Variants in OXR1 observed in about 807,000 individuals in gnomAD.
OXR1 encodes the protein oxidation resistance protein 1.
OXR1 carries 41 observed loss-of-function variants against 104.6 expected under a neutral mutation model. The observed-to-expected ratio is 0.39, with a 90% confidence interval of 0.31 to 0.51. OXR1 has a LOEUF of 0.51. Ranked by LOEUF, OXR1 falls within the 20% of genes least tolerant of loss-of-function variation. The pLI is 0.77. For missense variants in OXR1, 955 were observed against 1,031.9 expected, an observed-to-expected ratio of 0.93 and a Z score of 1.02; for synonymous variants, 348 against 348.4, an observed-to-expected ratio of 1.00 and a Z score of 0.01.
intron 2 of OXR1, among the ~76,000 whole-genome samples, chr8:106,484,177 C>T (rs1822306788): frequency 2.0e-5 from 3 of 151,578 alleles, no homozygotes; most frequent in South Asian, 4.2e-4. Context: ...AAAAGACATA[C>T]CTGGTAGAGG....
rs1835938327 is a variant in OXR1, at chr8:106,752,343, A to G, written c.*1402A>G. The G allele has an allele frequency of 1.3e-5, 2 of 152,558 alleles. No homozygotes were observed. The highest frequency in any genetic ancestry group is 4.8e-5 in the African/African-American group (2 of 41,472). The allele number at this position is 152,558 out of a possible 1,614,324, so 9.5% of individuals were successfully genotyped here. A position where few individuals can be genotyped will look rare whatever the true frequency, so the allele number is the denominator to read the frequency against. ...GCTTAAGTAGATTTAGTTGTATAGCACTTACATATTTAGTTCTTTTGAAAG... is the reference window on the plus strand; with the variant it reads ...GCTTAAGTAGATTTAGTTGTATAGCGCTTACATATTTAGTTCTTTTGAAAG... On this transcript the variant is annotated 3_prime_UTR_variant, in exon 17 of 17. Coordinates refer to ENST00000517566, the MANE Select transcript of OXR1 (RefSeq NM_001198533.2).
chr8:106,296,245 T>C (rs1227871341), intron 1 of OXR1, among the ~76,000 whole-genome samples: 1 of 152,192 alleles, frequency 6.6e-6, no homozygotes, highest in Non-Finnish European at 1.5e-5. Flanking sequence ...CTATCAACTT[T>C]CGCTTAGCTA....
At chr8:106,422,943 T>C (rs1402728646) in intron 2 of OXR1, among the ~76,000 whole-genome samples, 1 of 152,176 alleles carries the variant, frequency 6.6e-6, no homozygotes, top group East Asian at 1.9e-4. Context: ...CAAAATGGTC[T>C]TTGGGATTGG....
intron 1 of OXR1, among the ~76,000 whole-genome samples, chr8:106,298,789 C>G (rs1005204618): frequency 2.0e-5 from 3 of 151,806 alleles, no homozygotes; most frequent in Non-Finnish European, 2.9e-5. Context: ...AAAACCACCC[C>G]AGAACAAAAG....
At chr8:106,631,300 G>A (rs1003832143) in intron 3 of OXR1, among the ~76,000 whole-genome samples, 21 of 152,012 alleles carry the variant, frequency 1.4e-4, no homozygotes, top group African/African-American at 4.8e-4. Context: ...AGAGATAAAC[G>A]TAAGTATTAC....
chr8:106,586,456 G>T (rs1466395932), intron 3 of OXR1, among the ~76,000 whole-genome samples: 1 of 152,168 alleles, frequency 6.6e-6, no homozygotes, highest in African/African-American at 2.4e-5. Flanking sequence ...GAGAATTCAG[G>T]AGTTTACTTC....
chr8:106,590,874 C>T (rs778770217), intron 3 of OXR1, among the ~76,000 whole-genome samples: 5 of 152,112 alleles, frequency 3.3e-5, no homozygotes, highest in Non-Finnish European at 7.4e-5. Context: ...GTGTTCACCC[C>T]GATAGCCAGG....
intron 2 of OXR1, among the ~76,000 whole-genome samples, chr8:106,477,432 A>C (rs895362634): frequency 6.6e-6 from 1 of 152,010 alleles, no homozygotes; most frequent in African/African-American, 2.4e-5. Flanking sequence ...AATTTTATGC[A>C]GTTATGATTG....
intron 8 of OXR1, among the ~76,000 whole-genome samples, chr8:106,705,461 T>A (rs1563728580): frequency 1.3e-5 from 2 of 152,160 alleles, no homozygotes; most frequent in Non-Finnish European, 2.9e-5. Flanking sequence ...GCTTCACCAT[T>A]CAGAGATAGC....
At chr8:106,376,114 C>T (rs1321831336) in intron 2 of OXR1, among the ~76,000 whole-genome samples, 4 of 152,152 alleles carry the variant, frequency 2.6e-5, no homozygotes, top group East Asian at 1.9e-4. Flanking sequence ...CTCTGTATAC[C>T]GACATTTTTT....
intron 1 of OXR1, among the ~76,000 whole-genome samples, chr8:106,275,936 G>T (rs1812019512): frequency 6.6e-6 from 1 of 152,076 alleles, no homozygotes; most frequent in Non-Finnish European, 1.5e-5. Flanking sequence ...TTTGTGGAAG[G>T]TTTTACTTTT....
chr8:106,580,749 A>C (rs1818168092), intron 3 of OXR1, among the ~76,000 whole-genome samples: 1 of 152,090 alleles, frequency 6.6e-6, no homozygotes. Context: ...ATTGTCTGTA[A>C]AACATTATAT....
At chr8:106,586,211 T>C (rs1378643514) in intron 3 of OXR1, among the ~76,000 whole-genome samples, 1 of 152,022 alleles carries the variant, frequency 6.6e-6, no homozygotes, top group Admixed American at 6.6e-5. Flanking sequence ...ACCAAGATGG[T>C]AGTGCTAGAG....
intron 2 of OXR1, among the ~76,000 whole-genome samples, chr8:106,372,121 A>T (rs1364571683): frequency 2.6e-5 from 4 of 152,230 alleles, no homozygotes; most frequent in African/African-American, 9.6e-5. Flanking sequence ...TGCCTGTTCC[A>T]GGGTTGGAAC....
At chr8:106,435,774 C>T (rs971172455) in intron 2 of OXR1, among the ~76,000 whole-genome samples, 1 of 152,138 alleles carries the variant, frequency 6.6e-6, no homozygotes, top group Non-Finnish European at 1.5e-5. Context: ...ATCAAAGCCC[C>T]TCTATCTTCT....
intron 1 of OXR1, among the ~76,000 whole-genome samples, chr8:106,297,678 A>G (rs1485843428): frequency 6.6e-6 from 1 of 152,222 alleles, no homozygotes; most frequent in African/African-American, 2.4e-5. Context: ...AAATGTCATC[A>G]TGCCATGTAT....
intron 2 of OXR1, among the ~76,000 whole-genome samples, chr8:106,517,784 G>T (rs541128025): frequency 6.6e-6 from 1 of 152,128 alleles, no homozygotes; most frequent in Admixed American, 6.6e-5. Flanking sequence ...AATATAGGTC[G>T]TATATGGATA....
intron 6 of OXR1, 23 bp from the exon 7 acceptor site, chr8:106,692,705 T>G: frequency 2.1e-6 from 3 of 1,416,394 alleles, no homozygotes; most frequent in Non-Finnish European, 2.8e-6. Flanking sequence ...TTTTTTTTTC[T>G]TTCCTTTAAA....
At chr8:106,564,033 G>T (rs1381201352) in intron 3 of OXR1, among the ~76,000 whole-genome samples, 6 of 152,122 alleles carry the variant, frequency 3.9e-5, no homozygotes, top group African/African-American at 1.4e-4. Flanking sequence ...ACAGGAGAAA[G>T]CAGGAAAGAC....
Sources: allele counts gnomAD v4.1 joint callset (sites outside exome capture counted in the v4.1 genomes callset), GRCh38; gene constraint gnomAD v4.1.1; transcripts MANE v1.5; gene names NCBI Gene and HGNC (gene_info 2026-07-23, HGNC 2026-07-21).